The following ERC1 variants were observed in gnomAD, a reference collection of about 807,000 sequenced individuals.
The protein encoded by ERC1 is ELKS/RAB6-interacting/CAST family member 1, also known as RAB6 interacting protein 2.
A neutral mutation model predicts 132.0 loss-of-function variants in ERC1; 56 were observed. The ratio of observed to expected loss-of-function variants is 0.42; its 90% CI spans 0.34 to 0.53. The LOEUF is 0.53. ERC1 is among the 20% of genes least tolerant of loss of function. The probability of loss-of-function intolerance (pLI) is 0.03; values close to 1 mark genes in which losing one functional copy is unlikely to be tolerated. For synonymous variants in ERC1, 478 were observed against 476.1 expected, an observed-to-expected ratio of 1.00 and a Z score of -0.05; for missense variants, 1,202 against 1,349.9, an observed-to-expected ratio of 0.89 and a Z score of 1.72.
At chr12:994,431 A>G (rs1960372149) in intron 1 of ERC1, among the ~76,000 whole-genome samples, 1 of 152,194 alleles carries the variant, frequency 6.6e-6, no homozygotes, top group African/African-American at 2.4e-5. Flanking sequence ...GCCTGAGTTC[A>G]AATCCTGGCT....
intron 17 of ERC1, among the ~76,000 whole-genome samples, chr12:1,440,603 TGTGTGTGTGTGTGTGTGTGTGTGTGTGTG>T (rs1565445320): frequency 0.05 from 759 of 15,094 alleles, 19 homozygotes; most frequent in Non-Finnish European, 0.11. Flanking sequence ...CAGCCTTTTG[TGTGTGTGTGTGTGTGTGTGTGTGTGTGTG>T]TGTGTGTGTG....
At chr12:1,349,658 T>C (rs2084817059) in intron 15 of ERC1, among the ~76,000 whole-genome samples, 1 of 124,792 alleles carries the variant, frequency 8.0e-6, no homozygotes, top group Admixed American at 7.6e-5. Flanking sequence ...AGTGAGACCG[T>C]CTAAAAAAAA....
At chr12:1,164,299 T>TTTATG (rs1952169158) in intron 8 of ERC1, among the ~76,000 whole-genome samples, 980 of 94,190 alleles carry the variant, frequency 0.01, 12 homozygotes, top group African/African-American at 0.033. Context: ...ATTTTGTTAT[T>TTTATG]TTATTTTATG....
intron 2 of ERC1, among the ~76,000 whole-genome samples, chr12:1,049,645 A>G (rs1971591244): frequency 6.6e-6 from 1 of 152,108 alleles, no homozygotes; most frequent in Non-Finnish European, 1.5e-5. Flanking sequence ...ATGCCACAAT[A>G]TATAAACAAT....
intron 18 of ERC1, among the ~76,000 whole-genome samples, chr12:1,447,415 T>C (rs931318189): frequency 5.9e-5 from 9 of 151,388 alleles, no homozygotes; most frequent in South Asian, 4.2e-4. Context: ...GCTCAGGTAG[T>C]TAAGGTGGGA....
chr12:1,284,196 A>G (rs747034915), intron 14 of ERC1, among the ~76,000 whole-genome samples: 14 of 151,076 alleles, frequency 9.3e-5, no homozygotes, highest in Non-Finnish European at 1.9e-4. Context: ...ACTTAACATA[A>G]TGTTCTCCAG....
At chr12:1,311,618 A>G (rs1309431693) in intron 15 of ERC1, among the ~76,000 whole-genome samples, 1 of 152,166 alleles carries the variant, frequency 6.6e-6, no homozygotes, top group Non-Finnish European at 1.5e-5. Context: ...GTGAAGTGGT[A>G]ATAGTTTTTC....
At position 1,491,684 on chromosome 12, in the gene ERC1, G is replaced by A. The variant is rs2094320078; in HGVS notation, c.*1454G>A. ...GTTATTGCCCTTAGAGGGGCTCTGA[G>A]TATCTACTTGTGGGTGGCCATTTCC... On this transcript the variant is annotated 3_prime_UTR_variant, in exon 19 of 19. Coordinates refer to ENST00000360905, the MANE Select transcript of ERC1 (RefSeq NM_178040.4). The A allele has an allele frequency of 4.3e-6, 1 of 230,568 alleles. No homozygotes were observed. The highest frequency in any genetic ancestry group is 2.2e-5 in the African/African-American group (1 of 45,168). The allele number at this position is 230,568 out of a possible 1,614,324, so 14.3% of individuals were successfully genotyped here. A position where few individuals can be genotyped will look rare whatever the true frequency, so the allele number is the denominator to read the frequency against.
intron 8 of ERC1, 149 bp from the exon 9 acceptor site, chr12:1,180,391 C>T: frequency 4.2e-6 from 3 of 717,154 alleles, no homozygotes; most frequent in Non-Finnish European, 6.6e-6. Context: ...GCATGTAATT[C>T]TGAAACTCTT....
chr12:1,472,297 T>TTTTTG, intron 18 of ERC1, among the ~76,000 whole-genome samples: 1 of 152,326 alleles, frequency 6.6e-6, no homozygotes, highest in South Asian at 2.1e-4. Context: ...TCTTGATTTG[T>TTTTTG]TTTTGTTTTG....
intron 11 of ERC1, among the ~76,000 whole-genome samples, chr12:1,186,514 G>A (rs1290678646): frequency 6.6e-6 from 1 of 152,192 alleles, no homozygotes; most frequent in African/African-American, 2.4e-5. Context: ...TGTTACGTCA[G>A]CCTCTCTTGT....
chr12:1,459,728 A>C (rs1358332795), intron 18 of ERC1, among the ~76,000 whole-genome samples: 1 of 152,240 alleles, frequency 6.6e-6, no homozygotes, highest in African/African-American at 2.4e-5. Context: ...TAATTAGCAC[A>C]AAGTATTTAT....
At chr12:1,367,680 G>C (rs1416716175) in intron 15 of ERC1, among the ~76,000 whole-genome samples, 1 of 152,092 alleles carries the variant, frequency 6.6e-6, no homozygotes, top group Non-Finnish European at 1.5e-5. Flanking sequence ...TGGGGGAAGG[G>C]GATAGAGGGG....
chr12:1,288,317 G>T (rs1451517260), intron 14 of ERC1, among the ~76,000 whole-genome samples: 1 of 152,160 alleles, frequency 6.6e-6, no homozygotes, highest in African/African-American at 2.4e-5. Context: ...GTTTTGCCAT[G>T]TTGGCCAGGC....
chr12:1,181,853 G>C, intron 9 of ERC1, 72 bp from the exon 10 acceptor site: 1 of 1,442,796 alleles, frequency 6.9e-7, no homozygotes. Flanking sequence ...TTGAAATTCT[G>C]CTAAAAGCAG....
At chr12:1,039,568 G>A (rs1969820455) in intron 2 of ERC1, among the ~76,000 whole-genome samples, 1 of 151,790 alleles carries the variant, frequency 6.6e-6, no homozygotes, top group South Asian at 2.1e-4. Context: ...GATATAGACG[G>A]CAAGAGAGAA....
intron 15 of ERC1, among the ~76,000 whole-genome samples, chr12:1,343,655 T>G (rs1434794367): frequency 6.6e-6 from 1 of 152,184 alleles, no homozygotes; most frequent in Non-Finnish European, 1.5e-5. Context: ...TCTGTGCCAC[T>G]TACGCTGTCT....
chr12:1,383,761 A>G (rs913098404), intron 16 of ERC1, among the ~76,000 whole-genome samples: 7 of 152,220 alleles, frequency 4.6e-5, no homozygotes, highest in Non-Finnish European at 1.0e-4. Flanking sequence ...ACATGACCAA[A>G]TGTATTATCA....
intron 16 of ERC1, among the ~76,000 whole-genome samples, chr12:1,393,959 T>G (rs146823104): frequency 0.037 from 4,817 of 129,926 alleles, 104 homozygotes; most frequent in South Asian, 0.089. Context: ...GAGGTTGCAG[T>G]GAGCTGAGAT....
Sources: gnomAD v4.1 joint callset for allele counts (sites outside exome capture counted in the v4.1 genomes callset) on GRCh38, gnomAD v4.1.1 for gene constraint, MANE v1.5 for transcripts, NCBI Gene and HGNC (gene_info 2026-07-23, HGNC 2026-07-21) for gene names.